The following PTPRD variants were observed in gnomAD, a reference collection of about 807,000 sequenced individuals.
PTPRD encodes receptor-type tyrosine-protein phosphatase delta.
In PTPRD, 34 loss-of-function variants were observed where a neutral mutation model predicts 214.5. The observed-to-expected ratio is 0.16, with a 90% CI of 0.12 to 0.21. The LOEUF (loss-of-function observed/expected upper bound fraction) is 0.21. Ranked by LOEUF, PTPRD falls within the 10% of genes least tolerant of loss-of-function variation. The pLI, the probability that PTPRD is intolerant of heterozygous loss-of-function variation, is 1.00. For synonymous variants in PTPRD, 1,128 were observed against 845.7 expected, an observed-to-expected ratio of 1.33 and a Z score of -5.79; for missense variants, 2,545 against 2,398.7, an observed-to-expected ratio of 1.06 and a Z score of -1.27.
chr9:9,096,730 A>G (rs1015029963), intron 10 of PTPRD, among the ~76,000 whole-genome samples: 3 of 152,206 alleles, frequency 2.0e-5, no homozygotes, highest in African/African-American at 7.2e-5. Flanking sequence ...CAGTAAACAC[A>G]TTTCAATTAA....
At chr9:8,411,526 A>T (rs1017907269) in intron 35 of PTPRD, among the ~76,000 whole-genome samples, 1 of 152,076 alleles carries the variant, frequency 6.6e-6, no homozygotes, top group Admixed American at 6.5e-5. Flanking sequence ...CTAGTCTCGA[A>T]CTCATGACCT....
intron 9 of PTPRD, among the ~76,000 whole-genome samples, chr9:9,369,291 G>A (rs1258227037): frequency 6.6e-6 from 1 of 152,010 alleles, no homozygotes; most frequent in Non-Finnish European, 1.5e-5. Context: ...ACTTTTTAAT[G>A]ATCACCATTC....
chr9:8,375,018 T>C (rs2082796883), intron 39 of PTPRD, among the ~76,000 whole-genome samples: 1 of 151,940 alleles, frequency 6.6e-6, no homozygotes, highest in Non-Finnish European at 1.5e-5. Flanking sequence ...TTACGATAGA[T>C]GCTTTCTTGG....
At position 8,315,446 on chromosome 9, in the gene PTPRD, C is replaced by T. The variant is rs1178011855; in HGVS notation, c.*2428G>A. 4.3e-6 allele frequency: 1 copy of T among 232,124 alleles called. No homozygotes were observed. The highest frequency in any genetic ancestry group is 2.2e-5 in the African/African-American group (1 of 45,204). The allele number at this position is 232,124 out of a possible 1,614,324, so 14.4% of individuals were successfully genotyped here. On this transcript the variant is annotated 3_prime_UTR_variant, in exon 46 of 46. Transcript: ENST00000381196. ...TCTGGATGATGCAATGTCTGTCTGACCCCCTTTGTTTAACTAAAAGAAAAT... is the reference window on the plus strand; with the variant it reads ...TCTGGATGATGCAATGTCTGTCTGATCCCCTTTGTTTAACTAAAAGAAAAT...
intron 7 of PTPRD, among the ~76,000 whole-genome samples, chr9:9,674,216 G>A (rs544412674): frequency 6.6e-6 from 1 of 151,766 alleles, no homozygotes; most frequent in Non-Finnish European, 1.5e-5. Flanking sequence ...GGAGCTGATA[G>A]GCATTGTTCA....
intron 2 of PTPRD, among the ~76,000 whole-genome samples, chr9:10,355,186 G>C (rs899954289): frequency 6.6e-6 from 1 of 152,002 alleles, no homozygotes; most frequent in Non-Finnish European, 1.5e-5. Flanking sequence ...TATAATTTAA[G>C]TTATTAAGAA....
intron 3 of PTPRD, among the ~76,000 whole-genome samples, chr9:10,326,692 T>A (rs1565312427): frequency 1.3e-5 from 2 of 151,624 alleles, no homozygotes; most frequent in African/African-American, 2.4e-5. Flanking sequence ...AAAGCATCTA[T>A]AAAACCTACT....
chr9:10,125,919 T>C (rs2098815896), intron 3 of PTPRD, among the ~76,000 whole-genome samples: 1 of 152,146 alleles, frequency 6.6e-6, no homozygotes, highest in Non-Finnish European at 1.5e-5. Context: ...TATGGTAATA[T>C]ATTGTGTGAC....
intron 10 of PTPRD, among the ~76,000 whole-genome samples, chr9:9,106,072 T>G (rs1166053173): frequency 6.6e-6 from 1 of 152,118 alleles, no homozygotes; most frequent in Non-Finnish European, 1.5e-5. Flanking sequence ...TTTCCAAAGG[T>G]TGAACATGGC....
chr9:9,928,248 A>G (rs1206512495), intron 5 of PTPRD, among the ~76,000 whole-genome samples: 1 of 152,154 alleles, frequency 6.6e-6, no homozygotes, highest in African/African-American at 2.4e-5. Context: ...GTTAGAATTA[A>G]TTTCCAGATC....
chr9:10,195,031 C>G (rs1223450142), intron 3 of PTPRD, among the ~76,000 whole-genome samples: 1 of 147,652 alleles, frequency 6.8e-6, no homozygotes, highest in South Asian at 2.1e-4. Context: ...CTCCTGGGTT[C>G]AAGCAATTCT....
At chr9:9,374,673 A>G (rs531498149) in intron 9 of PTPRD, among the ~76,000 whole-genome samples, 3 of 152,326 alleles carry the variant, frequency 2.0e-5, no homozygotes, top group African/African-American at 4.8e-5. Flanking sequence ...ACAAATGGAC[A>G]AACTCTGACT....
intron 3 of PTPRD, among the ~76,000 whole-genome samples, chr9:10,154,949 T>C (rs1310961879): frequency 6.6e-6 from 1 of 152,130 alleles, no homozygotes; most frequent in Admixed American, 6.5e-5. Context: ...TGGTCCCATA[T>C]GAATTTACTT....
chr9:9,771,757 T>G (rs1391293350), intron 5 of PTPRD, among the ~76,000 whole-genome samples: 2 of 152,192 alleles, frequency 1.3e-5, no homozygotes, highest in Non-Finnish European at 2.9e-5. Flanking sequence ...CTATACAGTG[T>G]GTAAACCGAA....
intron 5 of PTPRD, among the ~76,000 whole-genome samples, chr9:9,902,274 T>C (rs955422753): frequency 6.6e-6 from 1 of 152,210 alleles, no homozygotes; most frequent in African/African-American, 2.4e-5. Context: ...CTCACTGTGT[T>C]CTAATTTATG....
intron 11 of PTPRD, among the ~76,000 whole-genome samples, chr9:8,982,025 G>C (rs1480002254): frequency 1.3e-5 from 2 of 151,940 alleles, no homozygotes; most frequent in Admixed American, 1.3e-4. Flanking sequence ...GTATGGGTAA[G>C]AAAATTTGTA....
rs940459920 is a variant in PTPRD at position 8,733,813 on chromosome 9, G to A, written c.31C>T (p.Leu11Phe). The A allele has an allele frequency of 6.4e-7, 1 of 1,552,424 alleles. No homozygotes were observed. The highest frequency in any genetic ancestry group is 8.7e-7 in the Non-Finnish European group (1 of 1,147,432). The change falls in exon 12 of 46, where the codon CTC (leucine) becomes TTC (phenylalanine). Residue 11 changes from leucine to phenylalanine, a missense_variant. Transcript: ENST00000381196. ...TCCGTGCGGAGGAAGAAAGTGAGGA[G>A]CAGCAGCAGCAGCCTGGCTACGTGC... MVHVARLLLL[L>F]LTFFLRTDAE...
intron 8 of PTPRD, among the ~76,000 whole-genome samples, chr9:9,455,454 C>T (rs1334510703): frequency 6.6e-6 from 1 of 151,570 alleles, no homozygotes; most frequent in East Asian, 1.9e-4. Context: ...CAGTGCAGAA[C>T]ATTAACAATC....
intron 5 of PTPRD, among the ~76,000 whole-genome samples, chr9:9,771,562 A>C (rs946573698): frequency 1.3e-5 from 2 of 152,218 alleles, no homozygotes; most frequent in African/African-American, 4.8e-5. Flanking sequence ...TAGGCAGCAG[A>C]GTTACTCCAC....
Sources: gnomAD v4.1 joint callset for allele counts (sites outside exome capture counted in the v4.1 genomes callset) on GRCh38, gnomAD v4.1.1 for gene constraint, MANE v1.5 for transcripts, NCBI Gene and HGNC (gene_info 2026-07-23, HGNC 2026-07-21) for gene names.